Variants in LRBA observed in about 807,000 individuals in gnomAD.
LRBA encodes the protein lipopolysaccharide-responsive and beige-like anchor protein.
Under a neutral mutation model 330.0 loss-of-function variants are expected in LRBA, and 176 were observed. The ratio of observed to expected loss-of-function variants is 0.53; its 90% CI spans 0.47 to 0.60. LRBA has a LOEUF of 0.60. Among genes scored for constraint, LRBA ranks in the 20% least tolerant of loss-of-function variants. LRBA has a pLI of 0.00. For missense variants in LRBA, 3,259 were observed against 3,444.8 expected (o/e 0.95, Z 1.35); for synonymous variants, 1,230 against 1,193.0 (o/e 1.03, Z -0.64).
chr4:150,900,186 G>A lies in LRBA; in HGVS notation c.1787C>T (p.Thr596Met), dbSNP rs779175495. 69 of 1,612,632 alleles carry A rather than the reference G, an allele frequency of 4.3e-5. No homozygotes were observed. Among genetic ancestry groups the A allele is most frequent in the Middle Eastern group, 1.6e-4 (1 of 6,082 alleles). Residue 596 changes from threonine to methionine, a missense_variant, in exon 14 of 57, where the codon ACG (threonine) becomes ATG (methionine). By Grantham distance (81) the Thr-to-Met change is moderately conservative. Transcript: ENST00000651943. ...TATGTTGACTGTACCAATGAATTCC[G>A]TGGACAGATAAGTATAGAGCATCAG... ...VQLMLYTYLS[T>M]EFIGTVNIYN...
Position 150,683,627 on chromosome 4 carries a change from T to C in LRBA, c.5845A>G (p.Thr1949Ala), listed in dbSNP as rs1783247140. ...ATTTTCTGGATTAGTTGAGTTGCTGTCACGTGGTCACGATATTTTGCTGCT... is the reference window on the plus strand; with the variant it reads ...ATTTTCTGGATTAGTTGAGTTGCTGCCACGTGGTCACGATATTTTGCTGCT... ...IRAAKYRDHV[T>A]ATQLIQKIIN... Residue 1949 changes from threonine to alanine, a missense_variant, in exon 37 of 57, where the codon ACA becomes GCA. Physicochemically the swap from Thr to Ala is moderately conservative, Grantham distance 58. Transcript: ENST00000651943. 3.1e-6 allele frequency: 5 copies of C among 1,613,410 alleles called. No homozygotes were observed. Among genetic ancestry groups the C allele is most frequent in the South Asian group, 1.1e-5 (1 of 91,046 alleles).
intron 40 of LRBA, among the ~76,000 whole-genome samples, chr4:150,537,204 T>C (rs761440651): frequency 6.6e-6 from 1 of 152,008 alleles, no homozygotes; most frequent in African/African-American, 2.4e-5. Context: ...TTTTAAAAAG[T>C]TGACAAAGAT....
intron 46 of LRBA, chr4:150,423,285 T>A (rs957521848): frequency 3.5e-6 from 3 of 863,968 alleles, no homozygotes; most frequent in Non-Finnish European, 5.7e-6. Context: ...TAGGGGTGTC[T>A]CCCTTCAAAC....
In LRBA at chr4:150,861,270, G is replaced by GGTGTGTGTGT. The variant is rs35115144; in HGVS notation, c.2766+6391_2766+6400dup. ...GGTGCATGCCACCATCCCAGCTAAT[G>GGTGTGTGTGT]GTGTGTGTGTGTGTGTGTGTGTGTG... On this transcript the variant is annotated intron_variant, in intron 22 of 56. Coordinates refer to ENST00000651943, the MANE Select transcript of LRBA (RefSeq NM_001364905.1). 4.5e-3 allele frequency among the ~76,000 whole-genome samples: 623 copies of GGTGTGTGTGT among 137,874 alleles called. 8 individuals are homozygous for GGTGTGTGTGT. The highest frequency in any genetic ancestry group is 0.015 in the African/African-American group (559 of 36,446). The allele number at this position is 137,874 out of a possible 152,430, so 90.5% of individuals were successfully genotyped here. A position where few individuals can be genotyped will look rare whatever the true frequency, so the allele number is the denominator to read the frequency against.
intron 47 of LRBA, among the ~76,000 whole-genome samples, chr4:150,394,245 T>A (rs973170619): frequency 2.6e-5 from 4 of 152,186 alleles, no homozygotes; most frequent in African/African-American, 9.6e-5. Flanking sequence ...TGGTCAAAAG[T>A]TAGCTAATAC....
At chr4:150,533,902 G>A (rs28550140) in intron 40 of LRBA, among the ~76,000 whole-genome samples, 10,207 of 152,136 alleles carry the variant, frequency 0.067, 564 homozygotes, top group East Asian at 0.18. Flanking sequence ...TCTGTTTTAT[G>A]GCAGAATGTG....
chr4:150,669,413 T>C (rs1781849083), intron 37 of LRBA, among the ~76,000 whole-genome samples: 1 of 152,156 alleles, frequency 6.6e-6, no homozygotes, highest in Non-Finnish European at 1.5e-5. Context: ...CAATAACTAA[T>C]ACAGAATCCC....
Position 150,916,545 on chromosome 4 carries a change from C to T in LRBA, c.768-18G>A. 2 of 1,609,656 alleles carry T rather than the reference C, an allele frequency of 1.2e-6. No individual in the cohort carries two copies. Among genetic ancestry groups the T allele is most frequent in the Non-Finnish European group, 1.7e-6 (2 of 1,178,760 alleles). On this transcript the variant is annotated intron_variant, in intron 6 of 56. Transcript: ENST00000651943. ...TTCTGAAACTATAAAGAATAGTTTT[C>T]ATTTTACCTCTAAATATTCTTCTCA...
At chr4:151,012,045 A>G (rs1744914761) in intron 2 of LRBA, among the ~76,000 whole-genome samples, 1 of 152,126 alleles carries the variant, frequency 6.6e-6, no homozygotes, top group South Asian at 2.1e-4. Flanking sequence ...TTTAAGGGAC[A>G]ATGGAAGGGG....
rs1169976512 is a variant in LRBA at position 150,928,539 on chromosome 4, G to T, written c.526C>A (p.Leu176Ile). Reference protein sequence around the residue: ...VRELKLFFSKLQGDKGRWPPH... With the variant: ...VRELKLFFSKIQGDKGRWPPH... Reference sequence around the variant, plus strand: ...ACCCATCGTCCTTTATCTCCTTGAAGTTTACTGAAGAAAAGCTTTAGCTCG... The same window carrying T: ...ACCCATCGTCCTTTATCTCCTTGAATTTTACTGAAGAAAAGCTTTAGCTCG... The change falls in exon 4 of 57, where the codon CTT becomes ATT. Residue 176 changes from leucine (L) to isoleucine (I), a missense_variant. Transcript: ENST00000651943. 1.2e-6 allele frequency: 2 copies of T among 1,613,624 alleles called. No homozygotes were observed. Among genetic ancestry groups the T allele is most frequent in the East Asian group, 4.5e-5 (2 of 44,840 alleles).
At chr4:150,570,328 GGCT>G (rs1160617558) in intron 40 of LRBA, among the ~76,000 whole-genome samples, 1 of 152,016 alleles carries the variant, frequency 6.6e-6, no homozygotes. Flanking sequence ...CCCCACTGTA[GGCT>G]GCATGAACAA....
intron 17 of LRBA, among the ~76,000 whole-genome samples, chr4:150,875,465 C>G (rs1243227418): frequency 6.6e-6 from 1 of 152,208 alleles, no homozygotes; most frequent in African/African-American, 2.4e-5. Context: ...AGCTTATTGC[C>G]TGAGGCAACA....
upstream of LRBA, chr4:151,015,529 G>C (rs546987493): frequency 2.6e-5 from 4 of 152,976 alleles, no homozygotes; most frequent in Admixed American, 2.6e-4. Flanking sequence ...CGGCTGCACA[G>C]AACTCCATGG....
chr4:150,927,843 G>GT (rs1366716648), intron 4 of LRBA, among the ~76,000 whole-genome samples: 1 of 152,140 alleles, frequency 6.6e-6, no homozygotes, highest in Non-Finnish European at 1.5e-5. Flanking sequence ...ATGAAAAAGA[G>GT]TAATTGTAGG....
intron 37 of LRBA, among the ~76,000 whole-genome samples, chr4:150,639,819 GTATATATATATATATATA>G (rs56731034): frequency 1.5e-3 from 7 of 4,532 alleles, no homozygotes; most frequent in East Asian, 0.021. Context: ...GTGTGTGTGT[GTATATATATATATATATA>G]TATATATATA....
At chr4:150,379,951 T>G (rs1581158909) in intron 47 of LRBA, among the ~76,000 whole-genome samples, 3 of 140,192 alleles carry the variant, frequency 2.1e-5, no homozygotes, top group Non-Finnish European at 1.5e-5. Context: ...TCACCTGAGG[T>G]CAGGAGTTCA....
At chr4:150,351,042 A>C (rs1283987774) in intron 47 of LRBA, among the ~76,000 whole-genome samples, 6 of 152,194 alleles carry the variant, frequency 3.9e-5, no homozygotes, top group Admixed American at 3.3e-4. Context: ...CTGACCAAAT[A>C]TTTGATGCTA....
intron 47 of LRBA, among the ~76,000 whole-genome samples, chr4:150,352,935 T>C (rs1737371262): frequency 6.6e-6 from 1 of 152,172 alleles, no homozygotes; most frequent in Admixed American, 6.5e-5. Flanking sequence ...TAAATGGCAA[T>C]TTATATCATT....
chr4:150,552,676 T>C (rs1198939554), intron 40 of LRBA, among the ~76,000 whole-genome samples: 1 of 152,114 alleles, frequency 6.6e-6, no homozygotes, highest in South Asian at 2.1e-4. Flanking sequence ...TAAATCATGC[T>C]GATATAAAGA....
Sources: gnomAD v4.1 joint callset for allele counts (sites outside exome capture counted in the v4.1 genomes callset) on GRCh38, gnomAD v4.1.1 for gene constraint, MANE v1.5 for transcripts, NCBI Gene and HGNC (gene_info 2026-07-23, HGNC 2026-07-21) for gene names.